The following THBS2 variants were observed in gnomAD, a reference collection of about 807,000 sequenced individuals.
THBS2 encodes thrombospondin-2.
THBS2 carries 47 observed loss-of-function variants against 135.2 expected under a neutral mutation model. The observed-to-expected ratio is 0.35, with a 90% CI of 0.28 to 0.44. The LOEUF is 0.44. THBS2 is among the 20% of genes least tolerant of loss of function. THBS2 has a pLI of 1.00. For synonymous variants in THBS2, 639 were observed against 633.8 expected, an observed-to-expected ratio of 1.01 and a Z score of -0.12; for missense variants, 1,288 against 1,603.1, an observed-to-expected ratio of 0.80 and a Z score of 3.36.
intron 17 of THBS2, among the ~76,000 whole-genome samples, chr6:169,224,757 G>C (rs760265690): frequency 9.9e-5 from 15 of 152,148 alleles, no homozygotes; most frequent in Admixed American, 2.0e-4. Flanking sequence ...CACTTTTGTT[G>C]GCTTTGCTTT....
chr6:169,234,918 A>C lies in THBS2; in HGVS notation c.1478-11T>G. 1 of 1,581,008 alleles carries C rather than the reference A, an allele frequency of 6.3e-7. No individual in the cohort carries two copies. Among genetic ancestry groups the C allele is most frequent in the South Asian group, 1.1e-5 (1 of 88,742 alleles). On this transcript the variant is annotated splice_polypyrimidine_tract_variant and intron_variant, in intron 9 of 21. Coordinates refer to ENST00000617924, the MANE Select transcript of THBS2 (RefSeq NM_003247.5). ...TCCAGCGGCCATCGACTGCGGGGAA[A>C]GCCAACCAGGGGGAGCTCAGAGCAA...
intron 18 of THBS2, 33 bp from the exon 19 acceptor site, chr6:169,222,501 C>T (rs771654790): frequency 6.3e-7 from 1 of 1,596,800 alleles, no homozygotes; most frequent in South Asian, 1.1e-5. Flanking sequence ...TCGTTAGAAA[C>T]ACCTTTCAGG....
chr6:169,232,467 C>T (rs1231925468), intron 12 of THBS2, among the ~76,000 whole-genome samples, 197 bp downstream of exon 12: 1 of 132,162 alleles, frequency 7.6e-6, no homozygotes. Context: ...CCTCACAGGC[C>T]CGGCTGAGCA....
At chr6:169,227,950 G>T (rs1307044493) in intron 15 of THBS2, among the ~76,000 whole-genome samples, 172 bp downstream of exon 15, 1 of 152,078 alleles carries the variant, frequency 6.6e-6, no homozygotes, top group Non-Finnish European at 1.5e-5. Context: ...GCGTGGTGGT[G>T]TGCACCTGTG....
At chr6:169,227,135 G>A (rs904120729) in intron 15 of THBS2, among the ~76,000 whole-genome samples, 2 of 152,152 alleles carry the variant, frequency 1.3e-5, no homozygotes, top group East Asian at 1.9e-4. Flanking sequence ...TGAGAAACCC[G>A]CTGTGAGACA....
Position 169,234,880 on chromosome 6 carries a change from G to T in THBS2, c.1505C>A (p.Pro502Gln). The change falls in exon 10 of 22, where the codon CCG becomes CAG. Residue 502 changes from proline (P) to glutamine (Q), a missense_variant. By Grantham distance (76) the Pro-to-Gln change is moderately conservative (BLOSUM62 -1). Coordinates refer to ENST00000617924, the MANE Select transcript of THBS2 (RefSeq NM_003247.5). ...ACAGGTGACAGTGCAGGCCGACCACGGGGACCAGGGGCTCCAGCGGCCATC... is the reference window on the plus strand; with the variant it reads ...ACAGGTGACAGTGCAGGCCGACCACTGGGACCAGGGGCTCCAGCGGCCATC... ...PIDGRWSPWSPWSACTVTCAG... is the reference protein window; with the variant it reads ...PIDGRWSPWSQWSACTVTCAG... 6.2e-7 allele frequency: 1 copy of T among 1,610,610 alleles called. No individual in the cohort carries two copies. Among genetic ancestry groups the T allele is most frequent in the Non-Finnish European group, 8.5e-7 (1 of 1,178,502 alleles).
rs781255126 is a variant in THBS2, at chr6:169,231,970, C to T, written c.2151+10G>A. ...GTGGCCCCGTGTGCCCTGCGAGCCC[C>T]GCGCCTCACCTTGATGCAGTGGTAG... On this transcript the variant is annotated intron_variant, in intron 13 of 21. Transcript: ENST00000617924. 1.4e-5 allele frequency: 23 copies of T among 1,612,934 alleles called. No individual in the cohort carries two copies. In the Admixed American group the frequency reaches 2.5e-4, roughly 18 times the overall value.
intron 4 of THBS2, among the ~76,000 whole-genome samples, chr6:169,244,705 C>A (rs1480715849): frequency 6.6e-6 from 1 of 152,120 alleles, no homozygotes; most frequent in African/African-American, 2.4e-5. Context: ...ACCCCAGGAA[C>A]CCCCAGAAGA....
chr6:169,251,992 CTT>C (rs1780771813), intron 1 of THBS2: 1 of 152,248 alleles, frequency 6.6e-6, no homozygotes, highest in African/African-American at 2.4e-5. Context: ...ACTTACTTAA[CTT>C]CTCTGTCTCA....
chr6:169,220,390 G>A (rs1046983424), intron 20 of THBS2, 53 bp from the exon 21 acceptor site: 2 of 1,574,970 alleles, frequency 1.3e-6, no homozygotes, highest in Non-Finnish European at 1.7e-6. Context: ...CATGAACTCT[G>A]TGAAGCATTC....
At chr6:169,236,369 T>C (rs1780071524) in intron 9 of THBS2, among the ~76,000 whole-genome samples, 1 of 44,560 alleles carries the variant, frequency 2.2e-5, no homozygotes, top group Non-Finnish European at 4.2e-5. Flanking sequence ...CCATCCACAC[T>C]CACTCCCATC....
At chr6:169,236,202 C>A (rs1780053613) in intron 9 of THBS2, among the ~76,000 whole-genome samples, 1 of 103,978 alleles carries the variant, frequency 9.6e-6, no homozygotes, top group Non-Finnish European at 1.9e-5. Flanking sequence ...ACTCATTGCC[C>A]CATAAACACC....
At position 169,222,179 on chromosome 6, in the gene THBS2, C is replaced by A; in HGVS notation, c.3273+18G>T. 1 of 1,582,502 alleles carries A rather than the reference C, an allele frequency of 6.3e-7. No individual in the cohort carries two copies. The highest frequency in any genetic ancestry group is 8.6e-7 in the Non-Finnish European group (1 of 1,166,130). On this transcript the variant is annotated intron_variant, in intron 19 of 21. Transcript: ENST00000617924. ...AGTGGTGCAGAGGAGATGTGTGGGC[C>A]TGGCCAGCCAACCTCACCTGCCCCG...
intron 4 of THBS2, among the ~76,000 whole-genome samples, chr6:169,242,653 TCCC>T (rs1780365335): frequency 9.4e-5 from 2 of 21,204 alleles, no homozygotes; most frequent in African/African-American, 1.8e-4. Context: ...TTCCCACCAC[TCCC>T]ACCTTCCCAC....
At chr6:169,249,736 TTAAA>T (rs1427286640) in intron 2 of THBS2, among the ~76,000 whole-genome samples, 1 of 152,112 alleles carries the variant, frequency 6.6e-6, no homozygotes, top group Non-Finnish European at 1.5e-5. Context: ...TCATAATAGT[TTAAA>T]TAATTCAAAG....
chr6:169,236,195 CATTGCCCCATAA>C (rs2115004425), intron 9 of THBS2, among the ~76,000 whole-genome samples: 1 of 124,794 alleles, frequency 8.0e-6, no homozygotes. Context: ...CATCCACACT[CATTGCCCCATAA>C]ACACCATCCA....
rs933554902 is a variant in THBS2 at position 169,221,653 on chromosome 6, T to A, written c.3274-126A>T. Reference sequence around the variant, plus strand: ...CATGCTTAAGGCTCATGGTGCTCCATATCTCTCTGATGTGTTTATCATCCA... The same window carrying A: ...CATGCTTAAGGCTCATGGTGCTCCAAATCTCTCTGATGTGTTTATCATCCA... On this transcript the variant is annotated intron_variant, in intron 19 of 21. Transcript: ENST00000617924. 1.3e-5 allele frequency: 10 copies of A among 756,762 alleles called. No homozygotes were observed. In the Middle Eastern group the frequency reaches 1.4e-3, roughly 104 times the overall value. The allele number at this position is 756,762 out of a possible 1,614,324, so 46.9% of individuals were successfully genotyped here. A position where few individuals can be genotyped will look rare whatever the true frequency, so the allele number is the denominator to read the frequency against.
chr6:169,233,034 G>A lies in THBS2; in HGVS notation c.1652-17C>T, dbSNP rs1260414824. The A allele has an allele frequency of 2.6e-6, 4 of 1,526,950 alleles. No homozygotes were observed. The highest frequency in any genetic ancestry group is 2.0e-5 in the Admixed American group (1 of 50,082). 94.6% of individuals were successfully genotyped at this position (1,526,950 alleles called of 1,614,324 possible). On this transcript the variant is annotated splice_polypyrimidine_tract_variant and intron_variant, in intron 10 of 21. Coordinates refer to ENST00000617924, the MANE Select transcript of THBS2 (RefSeq NM_003247.5). ...AACAGCCATCTGGGTGGGAGAAGGCGGAGCAGAGTTCACCACGCGCCCTGC... is the reference window on the plus strand; with the variant it reads ...AACAGCCATCTGGGTGGGAGAAGGCAGAGCAGAGTTCACCACGCGCCCTGC...
intron 12 of THBS2, among the ~76,000 whole-genome samples, 182 bp downstream of exon 12, chr6:169,232,482 C>CT (rs547331427): frequency 9.6e-4 from 146 of 152,296 alleles, no homozygotes; most frequent in African/African-American, 3.2e-3. Context: ...TGAGCACGCC[C>CT]CGCACCCCGC....
Sources: allele counts gnomAD v4.1 joint callset (sites outside exome capture counted in the v4.1 genomes callset), GRCh38; gene constraint gnomAD v4.1.1; transcripts MANE v1.5; gene names NCBI Gene and HGNC (gene_info 2026-07-23, HGNC 2026-07-21).